GPLD1: variants seen among roughly 807,000 people sequenced by gnomAD.
GPLD1 encodes the protein phosphatidylinositol-glycan-specific phospholipase D.
In GPLD1, 84 loss-of-function variants were observed where a neutral mutation model predicts 112.6. The ratio of observed to expected loss-of-function variants is 0.75; its 90% CI spans 0.63 to 0.89. The LOEUF is 0.89. GPLD1 is among the 40% of genes least tolerant of loss of function. The probability of loss-of-function intolerance (pLI) is 0.00; values close to 1 mark genes in which losing one functional copy is unlikely to be tolerated. For missense variants in GPLD1, 1,044 were observed against 1,051.5 expected, an observed-to-expected ratio of 0.99 and a Z score of 0.10; for synonymous variants, 386 against 403.8, an observed-to-expected ratio of 0.96 and a Z score of 0.53.
chr6:24,473,862 C>T (rs561433411), intron 5 of GPLD1, among the ~76,000 whole-genome samples, 195 bp from the exon 6 acceptor site: 120 of 152,236 alleles, frequency 7.9e-4, no homozygotes, highest in African/African-American at 2.6e-3. Context: ...CGGTAGCTCA[C>T]GCCTGTAATC....
At position 24,437,308 on chromosome 6, in the gene GPLD1, C is replaced by G; in HGVS notation, c.2021-19G>C. 6.2e-7 allele frequency: 1 copy of G among 1,608,298 alleles called. No homozygotes were observed. Among genetic ancestry groups the G allele is most frequent in the Admixed American group, 1.7e-5 (1 of 59,886 alleles). ...ACGTCATCTGAAACGAACCACAGTT[C>G]CTGCTGGCCTCACAGAAAGGAAGGC... On this transcript the variant is annotated intron_variant, in intron 20 of 24. Coordinates refer to ENST00000230036, the MANE Select transcript of GPLD1 (RefSeq NM_001503.4).
At chr6:24,455,652 C>A (rs1561841420) in intron 13 of GPLD1, among the ~76,000 whole-genome samples, 1 of 152,094 alleles carries the variant, frequency 6.6e-6, no homozygotes, top group Non-Finnish European at 1.5e-5. Flanking sequence ...TATGAAGTTA[C>A]AATATTTAAA....
At chr6:24,489,658 T>C, upstream of GPLD1, 2 of 1,371,956 alleles carry the variant, frequency 1.5e-6, no homozygotes, top group Non-Finnish European at 1.9e-6. Context: ...CAAAATAATA[T>C]CGTTTTCCAA....
In GPLD1 at chr6:24,476,260, G is replaced by C; in HGVS notation, c.251C>G (p.Ser84Cys). Residue 84 changes from serine to cysteine, a missense_variant, in exon 4 of 25, where the codon TCT becomes TGT. By Grantham distance (112) the Ser-to-Cys change is moderately radical. Transcript: ENST00000230036. ...ICKGGKFHDV[S>C]ESTHWTPFLN... ...AAACGGAGTCCAGTGAGTGCTCTCA[G>C]ACACATCATGGAATTTTCCTGACAA... 1 of 1,548,594 alleles carries C rather than the reference G, an allele frequency of 6.5e-7. No homozygotes were observed. Among genetic ancestry groups the C allele is most frequent in the South Asian group, 1.2e-5 (1 of 85,102 alleles).
intron 14 of GPLD1, among the ~76,000 whole-genome samples, chr6:24,452,180 G>C (rs542706802): frequency 5.6e-4 from 85 of 152,334 alleles, no homozygotes; most frequent in Middle Eastern, 6.8e-3. Context: ...GTCTTTGAGA[G>C]AGTTTAGCAG....
downstream of GPLD1, chr6:24,425,235 CATA>C (rs1333279077): frequency 1.3e-5 from 2 of 152,164 alleles, no homozygotes; most frequent in Non-Finnish European, 2.9e-5. Context: ...CTGTAAAATA[CATA>C]ATAAGTACTA....
At chr6:24,460,645 A>G (rs1763404192) in intron 11 of GPLD1, among the ~76,000 whole-genome samples, 1 of 152,088 alleles carries the variant, frequency 6.6e-6, no homozygotes, top group Non-Finnish European at 1.5e-5. Flanking sequence ...TCAGAGCTCT[A>G]TGGTAGGAGT....
chr6:24,442,012 AATAT>A (rs1177886191), intron 20 of GPLD1, among the ~76,000 whole-genome samples: 2 of 148,404 alleles, frequency 1.3e-5, no homozygotes, highest in Non-Finnish European at 3.0e-5. Context: ...ATGTATATAT[AATAT>A]ATACATATTA....
At chr6:24,466,593 G>C (rs1442065495) in intron 10 of GPLD1, 87 bp downstream of exon 10, 8 of 1,008,868 alleles carry the variant, frequency 7.9e-6, no homozygotes, top group African/African-American at 1.6e-5. Context: ...GTTTTTATGT[G>C]ATCAGTTGAA....
At chr6:24,451,142 T>C (rs2127338051) in intron 14 of GPLD1, among the ~76,000 whole-genome samples, 1 of 152,356 alleles carries the variant, frequency 6.6e-6, no homozygotes, top group African/African-American at 2.4e-5. Flanking sequence ...ACGGTGTAGA[T>C]ATTGTTCTAA....
Position 24,460,228 on chromosome 6 carries a change from A to G in GPLD1, c.1008+51T>C, listed in dbSNP as rs776172172. ...ACCCAGGGACTCAGCGAAACAAGGT[A>G]TCTCAAGAAGCAGCATTCCTCTTTC... On this transcript the variant is annotated intron_variant, in intron 12 of 24. Coordinates refer to ENST00000230036, the MANE Select transcript of GPLD1 (RefSeq NM_001503.4). 10 of 1,605,134 alleles carry G rather than the reference A, an allele frequency of 6.2e-6. No homozygotes were observed. The South Asian group carries it at 9.9e-5, about 16-fold the overall frequency.
chr6:24,438,122 C>T (rs185229256), intron 20 of GPLD1, among the ~76,000 whole-genome samples: 4 of 152,354 alleles, frequency 2.6e-5, no homozygotes, highest in Admixed American at 6.5e-5. Context: ...TGAATACCCA[C>T]GGCAGGGCAG....
rs548678292 is a variant in GPLD1, at chr6:24,483,495, A to G, written c.153+2580T>C. Among the ~76,000 whole-genome samples, 7 of 151,340 alleles carry G rather than the reference A, an allele frequency of 4.6e-5. No individual in the cohort carries two copies. The South Asian group carries it at 1.3e-3, about 27-fold the overall frequency. Reference sequence around the variant, plus strand: ...GGAGTTTGAGACCAGCCTGGGAAACATGGTGAAACTGCGACTCTACTGAAA... The same window carrying G: ...GGAGTTTGAGACCAGCCTGGGAAACGTGGTGAAACTGCGACTCTACTGAAA... On this transcript the variant is annotated intron_variant, in intron 2 of 24. Coordinates refer to ENST00000230036, the MANE Select transcript of GPLD1 (RefSeq NM_001503.4).
intron 10 of GPLD1, among the ~76,000 whole-genome samples, chr6:24,463,750 A>G (rs1438916309): frequency 6.6e-6 from 1 of 152,230 alleles, no homozygotes; most frequent in Non-Finnish European, 1.5e-5. Flanking sequence ...GTAAGCTGGG[A>G]AATGCCTGTT....
chr6:24,465,477 T>C (rs752133495), intron 10 of GPLD1, among the ~76,000 whole-genome samples: 28 of 151,284 alleles, frequency 1.9e-4, no homozygotes, highest in Non-Finnish European at 2.7e-4. Context: ...GAGGTGGAGG[T>C]TGTAGCGAGC....
chr6:24,451,957 C>T (rs188243793), intron 14 of GPLD1, among the ~76,000 whole-genome samples: 125 of 152,278 alleles, frequency 8.2e-4, no homozygotes, highest in African/African-American at 2.9e-3. Flanking sequence ...CCAGTCATTC[C>T]GAGAGGAGCA....
intron 10 of GPLD1, among the ~76,000 whole-genome samples, chr6:24,463,044 CG>C (rs1404508136): frequency 6.6e-6 from 1 of 152,178 alleles, no homozygotes; most frequent in Admixed American, 6.5e-5. Flanking sequence ...CTTCCCTCCC[CG>C]CTCCACCTGC....
rs779237019 is a variant in GPLD1 at position 24,480,009 on chromosome 6, G to C, written c.154-50C>G. The C allele has an allele frequency of 9.1e-5, 103 of 1,128,232 alleles. No individual in the cohort carries two copies. The South Asian group carries it at 1.2e-3, about 13-fold the overall frequency. The allele number at this position is 1,128,232 out of a possible 1,614,324, so 69.9% of individuals were successfully genotyped here. On this transcript the variant is annotated intron_variant, in intron 2 of 24. Transcript: ENST00000230036. ...TTAAGGGGCAGGAGTCAACAGCCTG[G>C]GGAGTATAGGCCCCACCAATTTTCT...
In GPLD1 at chr6:24,489,557, A is replaced by G. The variant is rs1764497513; in HGVS notation, c.-46T>C. The G allele has an allele frequency of 6.2e-7, 1 of 1,612,124 alleles. No homozygotes were observed. Among genetic ancestry groups the G allele is most frequent in the Admixed American group, 1.7e-5 (1 of 59,780 alleles). On this transcript the variant is annotated 5_prime_UTR_variant, in exon 1 of 25. Transcript: ENST00000230036. ...TCTCTGGTGACGTGGGAATGCTCAG[A>G]GCTGCAGCAGCACTGGGACTCCAAA...
Sources: gnomAD v4.1 joint callset for allele counts (sites outside exome capture counted in the v4.1 genomes callset) on GRCh38, gnomAD v4.1.1 for gene constraint, MANE v1.5 for transcripts, NCBI Gene and HGNC (gene_info 2026-07-23, HGNC 2026-07-21) for gene names.